Variants in TSPAN15 observed in about 807,000 individuals in gnomAD.
TSPAN15 encodes the protein tetraspanin 15.
Under a neutral mutation model 34.5 loss-of-function variants are expected in TSPAN15, and 20 were observed. The observed-to-expected ratio is 0.58, with a 90% CI of 0.41 to 0.84. TSPAN15 has a LOEUF of 0.84. Ranked by LOEUF, TSPAN15 falls within the 40% of genes least tolerant of loss-of-function variation. The probability of loss-of-function intolerance (pLI) is 0.00; values close to 1 mark genes in which losing one functional copy is unlikely to be tolerated. For synonymous variants in TSPAN15, 155 were observed against 153.9 expected (o/e 1.01, Z -0.05); for missense variants, 313 against 386.1 (o/e 0.81, Z 1.59).
the TSPAN15 span, among the ~76,000 whole-genome samples, chr10:69,526,791 A>T: frequency 7.2e-6 from 1 of 139,202 alleles, no homozygotes; most frequent in Non-Finnish European, 1.5e-5. Context: ...TGTCTCAAAA[A>T]AAAAAAAAAA....
At chr10:69,473,496 G>A (rs1015652425) in intron 1 of TSPAN15, among the ~76,000 whole-genome samples, 20 of 151,074 alleles carry the variant, frequency 1.3e-4, no homozygotes, top group African/African-American at 3.9e-4. Context: ...CCGTGGGGGC[G>A]GAGTCAGAGC....
chr10:69,530,832 A>ATATATATATG, the TSPAN15 span, among the ~76,000 whole-genome samples: 1 of 90,112 alleles, frequency 1.1e-5, no homozygotes, highest in Non-Finnish European at 2.1e-5. Context: ...ATATATATAT[A>ATATATATATG]TATATATATA....
the TSPAN15 span, among the ~76,000 whole-genome samples, chr10:69,513,113 C>T: frequency 6.6e-6 from 1 of 152,134 alleles, no homozygotes; most frequent in Non-Finnish European, 1.5e-5. Flanking sequence ...GCCAGTTTTT[C>T]TTAGTCATGC....
chr10:69,510,522 CAG>C (rs1170426713), downstream of TSPAN15, among the ~76,000 whole-genome samples: 4 of 152,222 alleles, frequency 2.6e-5, no homozygotes, highest in Non-Finnish European at 4.4e-5. Context: ...CATCTGCAAA[CAG>C]AGACAATTTG....
rs567936554 is a variant in TSPAN15, at chr10:69,473,888, T to C, written c.97-9803T>C. Among the ~76,000 whole-genome samples, 12 of 152,294 alleles carry C rather than the reference T, an allele frequency of 7.9e-5. 1 individual carries two copies. The highest frequency in any genetic ancestry group is 2.6e-4 in the African/African-American group (11 of 41,568). On this transcript the variant is annotated intron_variant, in intron 1 of 7. Coordinates refer to ENST00000373290, the MANE Select transcript of TSPAN15 (RefSeq NM_012339.5). ...TCAGGGGCAAAGGGTACAGTTCCGATGTGGGATTCCATGCAAAGGGGGAAA... is the reference window on the plus strand; with the variant it reads ...TCAGGGGCAAAGGGTACAGTTCCGACGTGGGATTCCATGCAAAGGGGGAAA...
intron 5 of TSPAN15, among the ~76,000 whole-genome samples, chr10:69,502,399 C>T (rs540908123): frequency 6.6e-6 from 1 of 152,334 alleles, no homozygotes; most frequent in South Asian, 2.1e-4. Flanking sequence ...TTGGCTACCC[C>T]TTGGGGGCCT....
chr10:69,455,573 CTTTTCTTTCTTTCTTT>C (rs1841075465), intron 1 of TSPAN15, among the ~76,000 whole-genome samples: 20 of 124,316 alleles, frequency 1.6e-4, no homozygotes, highest in Admixed American at 9.3e-4. Flanking sequence ...CTTTCTTTCT[CTTTTCTTTCTTTCTTT>C]CTCTTTCTTT....
chr10:69,505,351 G>A (rs1842302523), intron 6 of TSPAN15, among the ~76,000 whole-genome samples: 1 of 152,214 alleles, frequency 6.6e-6, no homozygotes, highest in Admixed American at 6.5e-5. Context: ...CTGATGTGAG[G>A]CATCCCTGAG....
chr10:69,515,766 G>T, the TSPAN15 span, among the ~76,000 whole-genome samples: 1 of 152,302 alleles, frequency 6.6e-6, no homozygotes, highest in South Asian at 2.1e-4. Context: ...AGGCACAAAC[G>T]TTCCCAGCAA....
At chr10:69,504,291 A>C (rs2133163266) in intron 5 of TSPAN15, 147 bp from the exon 6 acceptor site, 1 of 621,982 alleles carries the variant, frequency 1.6e-6, no homozygotes, top group Non-Finnish European at 2.8e-6. Context: ...GACTCAAGCC[A>C]GACTGCCTGG....
At chr10:69,534,833 A>AG in the TSPAN15 span, among the ~76,000 whole-genome samples, 1 of 151,274 alleles carries the variant, frequency 6.6e-6, no homozygotes, top group Non-Finnish European at 1.5e-5. Flanking sequence ...AAAAAAAAAA[A>AG]AAAAGCAGGG....
chr10:69,546,555 T>C, the TSPAN15 span, among the ~76,000 whole-genome samples: 1 of 152,182 alleles, frequency 6.6e-6, no homozygotes, highest in Non-Finnish European at 1.5e-5. Context: ...GTCCTACGCA[T>C]CCAAGGTGGA....
the TSPAN15 span, among the ~76,000 whole-genome samples, chr10:69,524,529 CCTT>C: frequency 2.0e-3 from 297 of 147,280 alleles, 17 homozygotes; most frequent in African/African-American, 6.6e-3. Context: ...TAGAAAAACT[CCTT>C]CTTCGTGAAG....
At chr10:69,495,229 G>A in intron 3 of TSPAN15, 1 of 199,670 alleles carries the variant, frequency 5.0e-6, no homozygotes, top group Non-Finnish European at 1.0e-5. Flanking sequence ...AAGAGCACTG[G>A]GCCTGGAACC....
chr10:69,464,848 C>G (rs1300203598), intron 1 of TSPAN15, among the ~76,000 whole-genome samples: 1 of 152,218 alleles, frequency 6.6e-6, no homozygotes, highest in African/African-American at 2.4e-5. Context: ...GGACAATGGA[C>G]ACTACTCAGT....
intron 1 of TSPAN15, among the ~76,000 whole-genome samples, chr10:69,457,469 C>A (rs376589183): frequency 7.2e-5 from 11 of 152,250 alleles, no homozygotes; most frequent in African/African-American, 2.6e-4. Flanking sequence ...GTAGGACTTT[C>A]AAGTGGGTAA....
chr10:69,498,144 A>G (rs1269468962), intron 4 of TSPAN15, 136 bp from the exon 5 acceptor site: 1 of 720,230 alleles, frequency 1.4e-6, no homozygotes. Context: ...CTCTGACTTG[A>G]AAGTGTACAG....
intron 1 of TSPAN15, among the ~76,000 whole-genome samples, chr10:69,458,418 T>C (rs566339534): frequency 6.6e-6 from 1 of 152,362 alleles, no homozygotes. Context: ...TTGGTAAACA[T>C]CCATCTGGAC....
the TSPAN15 span, among the ~76,000 whole-genome samples, chr10:69,521,558 G>A: frequency 6.8e-6 from 1 of 147,616 alleles, no homozygotes; most frequent in African/African-American, 2.5e-5. Flanking sequence ...CTGGGTGACA[G>A]AGCAAGACTT....
Sources: gnomAD v4.1 joint callset for allele counts (sites outside exome capture counted in the v4.1 genomes callset) on GRCh38, gnomAD v4.1.1 for gene constraint, MANE v1.5 for transcripts, NCBI Gene and HGNC (gene_info 2026-07-23, HGNC 2026-07-21) for gene names.